ANKIB1: variants seen among roughly 807,000 people sequenced by gnomAD.
The protein encoded by ANKIB1 is ankyrin repeat and IBR domain containing 1, also known as ankyrin repeat and IBR domain-containing protein 1.
Under a neutral mutation model 122.1 loss-of-function variants are expected in ANKIB1, and 43 were observed. The ratio of observed to expected loss-of-function variants is 0.35; its 90% CI spans 0.28 to 0.45. The LOEUF is 0.45. Ranked by LOEUF, ANKIB1 falls within the 20% of genes least tolerant of loss-of-function variation. The probability of loss-of-function intolerance (pLI) is 1.00; values close to 1 mark genes in which losing one functional copy is unlikely to be tolerated. For synonymous variants in ANKIB1, 390 were observed against 442.0 expected, an observed-to-expected ratio of 0.88 and a Z score of 1.48; for missense variants, 992 against 1,329.5, an observed-to-expected ratio of 0.75 and a Z score of 3.95.
At chr7:92,293,016 TACA>T in intron 1 of ANKIB1, among the ~76,000 whole-genome samples, 1 of 152,220 alleles carries the variant, frequency 6.6e-6, no homozygotes, top group Non-Finnish European at 1.5e-5. Context: ...GTGACCTCAT[TACA>T]TATAGTAGTG....
At chr7:92,379,827 C>G (rs1000632505) in intron 11 of ANKIB1, among the ~76,000 whole-genome samples, 6 of 152,126 alleles carry the variant, frequency 3.9e-5, no homozygotes, top group South Asian at 2.1e-4. Flanking sequence ...CTCCAATGAT[C>G]GACACAGAAG....
intron 10 of ANKIB1, among the ~76,000 whole-genome samples, chr7:92,364,288 G>A (rs989312105): frequency 5.3e-5 from 7 of 131,246 alleles, no homozygotes; most frequent in African/African-American, 1.7e-4. Flanking sequence ...CTCTAGCCTG[G>A]ATGCCAGAGC....
At chr7:92,345,150 T>C (rs577451459) in intron 7 of ANKIB1, 84 bp downstream of exon 7, 352 of 961,898 alleles carry the variant, frequency 3.7e-4, no homozygotes, top group Non-Finnish European at 4.9e-4. Flanking sequence ...CAGTATTTAA[T>C]GATGCAAATT....
chr7:92,247,670 G>C (rs1248736111), intron 1 of ANKIB1, among the ~76,000 whole-genome samples: 1 of 152,202 alleles, frequency 6.6e-6, no homozygotes, highest in Non-Finnish European at 1.5e-5. Flanking sequence ...TTTTAATGCT[G>C]TCAGTGATTG....
At chr7:92,267,759 C>G (rs576629722) in intron 1 of ANKIB1, among the ~76,000 whole-genome samples, 6 of 152,042 alleles carry the variant, frequency 3.9e-5, no homozygotes, top group African/African-American at 1.2e-4. Context: ...AGAAGACCAT[C>G]GTTTAAGCCA....
chr7:92,290,013 T>C lies in ANKIB1; in HGVS notation c.-90-4876T>C, dbSNP rs371575599. 3.2e-4 allele frequency among the ~76,000 whole-genome samples: 48 copies of C among 152,280 alleles called. 1 individual carries two copies. The highest frequency in any genetic ancestry group is 9.9e-4 in the African/African-American group (41 of 41,568). On this transcript the variant is annotated intron_variant, in intron 1 of 19. Coordinates refer to ENST00000265742, the MANE Select transcript of ANKIB1 (RefSeq NM_019004.2). The stretch of plus-strand genomic sequence containing the variant: ...TGTATTTTTTGTAGAGACAGAGTTT[T>C]GCCATGTTGGCCAGGCTGGTCTTGA...
chr7:92,349,556 C>G (rs1453262794), intron 7 of ANKIB1, among the ~76,000 whole-genome samples: 2 of 152,056 alleles, frequency 1.3e-5, no homozygotes, highest in Non-Finnish European at 2.9e-5. Context: ...GATTTAATTG[C>G]CTGGTTTTCC....
chr7:92,306,372 G>T (rs866789750), intron 2 of ANKIB1, among the ~76,000 whole-genome samples: 4 of 152,102 alleles, frequency 2.6e-5, no homozygotes, highest in Middle Eastern at 3.4e-3. Context: ...CTTAGATCTG[G>T]GTTTGGCAGT....
intron 3 of ANKIB1, among the ~76,000 whole-genome samples, chr7:92,308,490 T>C (rs1254041162): frequency 6.6e-6 from 1 of 152,164 alleles, no homozygotes; most frequent in Non-Finnish European, 1.5e-5. Context: ...TATTAACAAA[T>C]ACATTTATTG....
In ANKIB1 at chr7:92,301,017, G is replaced by A. The variant is rs549736878; in HGVS notation, c.188+5851G>A. 2.0e-5 allele frequency among the ~76,000 whole-genome samples: 3 copies of A among 152,210 alleles called. No individual in the cohort carries two copies. The South Asian group carries it at 6.2e-4, about 32-fold the overall frequency. On this transcript the variant is annotated intron_variant, in intron 2 of 19. Transcript: ENST00000265742. ...TCTAGGTTCATCTATGTCGAAAATG[G>A]CAGGATTTCCTTCTTTTTTAAGACT...
chr7:92,307,887 C>G (rs932387853), intron 3 of ANKIB1, among the ~76,000 whole-genome samples: 1 of 134,700 alleles, frequency 7.4e-6, no homozygotes, highest in Non-Finnish European at 1.5e-5. Flanking sequence ...GATCTTGGCT[C>G]ACTACAACCT....
chr7:92,352,338 G>A, intron 8 of ANKIB1, 138 bp from the exon 9 acceptor site: 1 of 877,258 alleles, frequency 1.1e-6, no homozygotes, highest in Non-Finnish European at 1.7e-6. Flanking sequence ...TAAATTTCTT[G>A]AGACTGACAA....
intron 9 of ANKIB1, among the ~76,000 whole-genome samples, chr7:92,361,213 T>C (rs1412971076): frequency 6.6e-6 from 1 of 152,186 alleles, no homozygotes; most frequent in Non-Finnish European, 1.5e-5. Context: ...TTAGGCTCGT[T>C]TTAGTGTTTG....
At chr7:92,314,358 T>G (rs117444970) in intron 3 of ANKIB1, among the ~76,000 whole-genome samples, 264 of 151,948 alleles carry the variant, frequency 1.7e-3, no homozygotes, top group Non-Finnish European at 3.0e-3. Flanking sequence ...GCAAATATGA[T>G]GAGATTAGCC....
At chr7:92,355,925 C>T (rs887073555) in intron 9 of ANKIB1, among the ~76,000 whole-genome samples, 2 of 150,940 alleles carry the variant, frequency 1.3e-5, no homozygotes, top group Non-Finnish European at 2.9e-5. Context: ...TATTACCTAG[C>T]GGTTGAGCAT....
intron 5 of ANKIB1, 51 bp from the exon 6 acceptor site, chr7:92,342,973 A>G: frequency 6.5e-7 from 1 of 1,530,130 alleles, no homozygotes; most frequent in Non-Finnish European, 9.1e-7. Flanking sequence ...AGCTTTTATA[A>G]CATTACCATA....
intron 11 of ANKIB1, among the ~76,000 whole-genome samples, chr7:92,372,888 ATTTT>A (rs1047140416): frequency 6.6e-6 from 1 of 151,252 alleles, no homozygotes; most frequent in African/African-American, 2.4e-5. Context: ...AGGAAAGTGT[ATTTT>A]TTTTTCTAGT....
chr7:92,321,587 C>T (rs908434908), intron 4 of ANKIB1, among the ~76,000 whole-genome samples: 12 of 152,152 alleles, frequency 7.9e-5, no homozygotes, highest in Non-Finnish European at 1.6e-4. Flanking sequence ...AATTATAACA[C>T]AGTAAATTTT....
intron 4 of ANKIB1, among the ~76,000 whole-genome samples, chr7:92,320,204 C>CCTAG (rs1338592345): frequency 6.6e-6 from 1 of 152,136 alleles, no homozygotes; most frequent in Non-Finnish European, 1.5e-5. Flanking sequence ...TCAACCCTTC[C>CCTAG]CTAGCCCTGT....
Sources: allele counts gnomAD v4.1 joint callset (sites outside exome capture counted in the v4.1 genomes callset), GRCh38; gene constraint gnomAD v4.1.1; transcripts MANE v1.5; gene names NCBI Gene and HGNC (gene_info 2026-07-23, HGNC 2026-07-21).